Variants in CDH13 observed in about 807,000 individuals in gnomAD.
The protein encoded by CDH13 is cadherin-13.
Under a neutral mutation model 63.8 loss-of-function variants are expected in CDH13, and 24 were observed. The observed-to-expected ratio is 0.38, with a 90% CI of 0.27 to 0.53. CDH13 has a LOEUF of 0.53. Ranked by LOEUF, CDH13 falls within the 20% of genes least tolerant of loss-of-function variation. CDH13 has a pLI of 0.85. For synonymous variants in CDH13, 503 were observed against 355.3 expected (o/e 1.42, Z -4.67); for missense variants, 1,049 against 903.1 (o/e 1.16, Z -2.07).
At chr16:83,481,829 A>G (rs1031434569) in intron 6 of CDH13, among the ~76,000 whole-genome samples, 2 of 152,190 alleles carry the variant, frequency 1.3e-5, no homozygotes, top group African/African-American at 2.4e-5. Context: ...CGTGTCTGTC[A>G]TATAATTACC....
At chr16:82,677,446 C>CCTTTT (rs368679058) in intron 1 of CDH13, among the ~76,000 whole-genome samples, 6 of 130,728 alleles carry the variant, frequency 4.6e-5, no homozygotes, top group African/African-American at 1.7e-4. Context: ...ACTCTTCTGC[C>CCTTTT]TTTTTTTTTT....
At chr16:83,080,735 G>A (rs1300843244) in intron 3 of CDH13, among the ~76,000 whole-genome samples, 1 of 151,890 alleles carries the variant, frequency 6.6e-6, no homozygotes, top group African/African-American at 2.4e-5. Flanking sequence ...GCGGCAATGG[G>A]GGGTGACTTT....
intron 1 of CDH13, among the ~76,000 whole-genome samples, chr16:82,640,408 A>C (rs980596707): frequency 6.6e-6 from 1 of 152,182 alleles, no homozygotes; most frequent in Non-Finnish European, 1.5e-5. Flanking sequence ...TATGGCAACT[A>C]ATGATTTAAA....
At chr16:83,530,770 G>C (rs1465242456) in intron 7 of CDH13, among the ~76,000 whole-genome samples, 1 of 148,760 alleles carries the variant, frequency 6.7e-6, no homozygotes, top group East Asian at 1.9e-4. Context: ...GACAAAGAAG[G>C]ACTAGCCTAT....
intron 6 of CDH13, among the ~76,000 whole-genome samples, chr16:83,375,052 T>G (rs755370315): frequency 6.6e-6 from 1 of 152,226 alleles, no homozygotes; most frequent in Non-Finnish European, 1.5e-5. Flanking sequence ...GATTAAGAGC[T>G]GACAAATTTC....
chr16:82,812,734 T>C (rs2037509048), intron 1 of CDH13, among the ~76,000 whole-genome samples: 1 of 152,084 alleles, frequency 6.6e-6, no homozygotes, highest in Non-Finnish European at 1.5e-5. Flanking sequence ...GATAGTGAAG[T>C]AGTTGGAGGT....
chr16:83,211,716 C>A (rs760527027), intron 4 of CDH13, among the ~76,000 whole-genome samples: 1 of 151,996 alleles, frequency 6.6e-6, no homozygotes, highest in Middle Eastern at 3.2e-3. Context: ...TGCCCCTGCC[C>A]GGATGCAGAA....
At chr16:83,593,865 A>G (rs1305731004) in intron 7 of CDH13, among the ~76,000 whole-genome samples, 1 of 152,180 alleles carries the variant, frequency 6.6e-6, no homozygotes, top group Admixed American at 6.5e-5. Flanking sequence ...AAACAAGCAC[A>G]TTATAGACTG....
intron 1 of CDH13, among the ~76,000 whole-genome samples, chr16:82,809,872 G>T (rs2037354367): frequency 1.3e-5 from 2 of 151,984 alleles, no homozygotes; most frequent in African/African-American, 2.4e-5. Context: ...ACAATTTACA[G>T]CCTTCTCAAG....
intron 10 of CDH13, among the ~76,000 whole-genome samples, chr16:83,737,183 C>G (rs1028239328): frequency 6.6e-6 from 1 of 152,160 alleles, no homozygotes; most frequent in Non-Finnish European, 1.5e-5. Context: ...TTGAAAGTGA[C>G]TACATGGCAA....
At chr16:82,706,499 C>T (rs2031501303) in intron 1 of CDH13, among the ~76,000 whole-genome samples, 1 of 152,026 alleles carries the variant, frequency 6.6e-6, no homozygotes, top group Non-Finnish European at 1.5e-5. Flanking sequence ...GGAGTTTTTT[C>T]TGCAAAGTGC....
intron 8 of CDH13, among the ~76,000 whole-genome samples, chr16:83,667,952 C>G (rs1847413980): frequency 6.6e-6 from 1 of 152,120 alleles, no homozygotes; most frequent in Admixed American, 6.5e-5. Flanking sequence ...GTTAGAATAC[C>G]ATGCCCAGCC....
chr16:83,231,675 A>G (rs2040000806), intron 5 of CDH13, among the ~76,000 whole-genome samples: 1 of 152,160 alleles, frequency 6.6e-6, no homozygotes, highest in Admixed American at 6.5e-5. Context: ...TGCAGAGTTG[A>G]ATAGTTGTCA....
rs183980783 is a variant in CDH13, at chr16:83,438,381, T to C, written c.782-48096T>C. On this transcript the variant is annotated intron_variant, in intron 6 of 13. Coordinates refer to ENST00000567109, the MANE Select transcript of CDH13 (RefSeq NM_001257.5). The stretch of plus-strand genomic sequence containing the variant: ...ACCAGGTGTATATTGCTGACTTACC[T>C]TCCTGTAGGTTGATTTAGGAATTGA... 2.8e-3 allele frequency among the ~76,000 whole-genome samples: 429 copies of C among 152,344 alleles called. 5 individuals are homozygous for C. Among genetic ancestry groups the C allele is most frequent in the African/African-American group, 9.8e-3 (409 of 41,586 alleles).
At chr16:82,960,521 A>C (rs1417870099) in intron 2 of CDH13, among the ~76,000 whole-genome samples, 1 of 152,194 alleles carries the variant, frequency 6.6e-6, no homozygotes, top group East Asian at 1.9e-4. Flanking sequence ...TATGTCTATA[A>C]ATATGCCCGA....
At position 83,785,861 on chromosome 16, in the gene CDH13, G is replaced by A. The variant is rs149634557; in HGVS notation, c.2134+2389G>A. ...CCGAAGACACTGGGAAATCAGGACCGTCCTGGTGAGTGACTCCAACGTTTA... is the reference window on the plus strand; with the variant it reads ...CCGAAGACACTGGGAAATCAGGACCATCCTGGTGAGTGACTCCAACGTTTA... On this transcript the variant is annotated intron_variant, in intron 13 of 13. Transcript: ENST00000567109. 2.7e-3 allele frequency among the ~76,000 whole-genome samples: 411 copies of A among 152,288 alleles called. 4 individuals carry two copies. Among genetic ancestry groups the A allele is most frequent in the African/African-American group, 8.3e-3 (345 of 41,540 alleles).
intron 4 of CDH13, among the ~76,000 whole-genome samples, chr16:83,211,038 C>T (rs1404056579): frequency 6.7e-6 from 1 of 150,302 alleles, no homozygotes; most frequent in Admixed American, 6.6e-5. Context: ...GTCCCAGCTA[C>T]TTGGGAGGCT....
intron 7 of CDH13, among the ~76,000 whole-genome samples, chr16:83,562,024 C>T (rs866033882): frequency 3.3e-5 from 5 of 152,252 alleles, no homozygotes; most frequent in Middle Eastern, 6.8e-3. Context: ...TCTGAGAAAC[C>T]CATGTCCAGA....
chr16:83,763,427 A>T (rs1335020999), intron 11 of CDH13, among the ~76,000 whole-genome samples: 2 of 152,102 alleles, frequency 1.3e-5, no homozygotes, highest in Non-Finnish European at 2.9e-5. Context: ...AAAAATTGTT[A>T]TTCAGCCCCA....
Sources: gnomAD v4.1 joint callset for allele counts (sites outside exome capture counted in the v4.1 genomes callset) on GRCh38, gnomAD v4.1.1 for gene constraint, MANE v1.5 for transcripts, NCBI Gene and HGNC (gene_info 2026-07-23, HGNC 2026-07-21) for gene names.